Variants in SLC1A4 observed in about 807,000 individuals in gnomAD.
SLC1A4 encodes the protein neutral amino acid transporter A.
A neutral mutation model predicts 37.7 loss-of-function variants in SLC1A4; 19 were observed. The observed-to-expected ratio is 0.50, with a 90% CI of 0.35 to 0.74. The LOEUF (loss-of-function observed/expected upper bound fraction) is 0.74. Ranked by LOEUF, SLC1A4 falls within the 30% of genes least tolerant of loss-of-function variation. The pLI, the probability that SLC1A4 is intolerant of heterozygous loss-of-function variation, is 0.01. For synonymous variants in SLC1A4, 299 were observed against 309.8 expected (o/e 0.97, Z 0.37); for missense variants, 570 against 712.9 (o/e 0.80, Z 2.28).
At position 65,018,423 on chromosome 2, in the gene SLC1A4, C is replaced by G. The variant is rs1674256401; in HGVS notation, c.1230-122C>G. The G allele has an allele frequency of 1.4e-6, 2 of 1,442,364 alleles. No homozygotes were observed. Among genetic ancestry groups the G allele is most frequent in the Non-Finnish European group, 9.4e-7 (1 of 1,063,394 alleles). The allele number at this position is 1,442,364 out of a possible 1,614,324, so 89.3% of individuals were successfully genotyped here. ...GTGTGTTGACTCTCAAGGGCGTAGC[C>G]AGCAGAGCCTATGGTGGGGCGGTTT... On this transcript the variant is annotated intron_variant, in intron 6 of 7. Coordinates refer to ENST00000234256, the MANE Select transcript of SLC1A4 (RefSeq NM_003038.5). This position sits in a 1 kb window ranked among gnomAD's most constrained non-coding sequence, Gnocchi z 4.3.
rs56031116 is a variant in SLC1A4 at position 64,997,491 on chromosome 2, A to G, written c.528-3957A>G. Among the ~76,000 whole-genome samples the G allele has an allele frequency of 7.6e-3, 1,157 of 152,282 alleles. 24 individuals are homozygous for G. The highest frequency in any genetic ancestry group is 6.1e-3 in the Non-Finnish European group (418 of 68,008). On this transcript the variant is annotated intron_variant, in intron 1 of 7. Transcript: ENST00000234256. Reference sequence around the variant, plus strand: ...ATCCCCATTCTCCACCCCTGGCCTCAGGCAGCTGACCTGCTTTTTATCACT... The same window carrying G: ...ATCCCCATTCTCCACCCCTGGCCTCGGGCAGCTGACCTGCTTTTTATCACT...
chr2:65,010,379 T>G (rs895245691), intron 3 of SLC1A4, among the ~76,000 whole-genome samples: 1 of 152,240 alleles, frequency 6.6e-6, no homozygotes, highest in African/African-American at 2.4e-5. Flanking sequence ...CAGAGTTAAC[T>G]AGAAGAAATT....
chr2:65,015,175 A>G (rs1674075676), intron 4 of SLC1A4, among the ~76,000 whole-genome samples: 1 of 152,240 alleles, frequency 6.6e-6, no homozygotes, highest in South Asian at 2.1e-4. Context: ...AACTGTGAGG[A>G]GGGGAAAGTA....
At chr2:64,989,336 G>A, upstream of SLC1A4, 1 of 255,782 alleles carries the variant, frequency 3.9e-6, no homozygotes, top group East Asian at 7.1e-5. Flanking sequence ...GAGCGGGCTG[G>A]GGCCGCTGGC....
At chr2:65,015,922 G>A (rs1674109809) in intron 4 of SLC1A4, among the ~76,000 whole-genome samples, 1 of 152,194 alleles carries the variant, frequency 6.6e-6, no homozygotes, top group Non-Finnish European at 1.5e-5. Flanking sequence ...GAGTGTCATT[G>A]TTAATGACTT....
intron 4 of SLC1A4, among the ~76,000 whole-genome samples, chr2:65,013,828 T>C (rs1488895902): frequency 6.6e-6 from 1 of 152,222 alleles, no homozygotes; most frequent in African/African-American, 2.4e-5. Context: ...CAGAAATAAC[T>C]TTCAGATGTA....
chr2:65,021,464 G>C lies in SLC1A4; in HGVS notation c.*318G>C, dbSNP rs1185478936. 1 of 336,922 alleles carries C rather than the reference G, an allele frequency of 3.0e-6. No individual in the cohort carries two copies. The highest frequency in any genetic ancestry group is 5.5e-6 in the Non-Finnish European group (1 of 183,190). The allele number at this position is 336,922 out of a possible 1,614,324, so 20.9% of individuals were successfully genotyped here. On this transcript the variant is annotated 3_prime_UTR_variant, in exon 8 of 8. Transcript: ENST00000234256. ...ATCATGGACTCACAGGGTCCTGTGT[G>C]GTTACATCTTGGAAAAAATGCAGAT...
rs1215025175 is a variant in SLC1A4 at position 65,010,113 on chromosome 2, G to A, written c.634-484G>A. Among the ~76,000 whole-genome samples, 5 of 152,194 alleles carry A rather than the reference G, an allele frequency of 3.3e-5. No homozygotes were observed. The East Asian group carries it at 9.7e-4, about 29-fold the overall frequency. On this transcript the variant is annotated intron_variant, in intron 3 of 7. Transcript: ENST00000234256. ...TGCCCAGCTAATTTTTGTGTTTTTA[G>A]TATAGACAGGGTTTCACCATGTTGG... is the stretch of plus-strand genomic sequence containing the variant.
chr2:65,019,345 G>C (rs758287060), intron 7 of SLC1A4, among the ~76,000 whole-genome samples: 1 of 152,154 alleles, frequency 6.6e-6, no homozygotes, highest in Admixed American at 6.5e-5. Flanking sequence ...TGGAGCCCAG[G>C]TGCCTGGATT....
chr2:65,006,758 G>GA (rs1419288383), intron 3 of SLC1A4, among the ~76,000 whole-genome samples: 1 of 152,168 alleles, frequency 6.6e-6, no homozygotes, highest in Non-Finnish European at 1.5e-5. Flanking sequence ...GGGCAACATA[G>GA]ATACGTATCT....
rs1314078311 is a variant in SLC1A4, at chr2:65,022,151, A to C, written c.*1005A>C. ...CTGCAGCAAAAACAAAACCACCACC[A>C]CCCCAGAGAAAACCATGTACTAATT... On this transcript the variant is annotated 3_prime_UTR_variant, in exon 8 of 8. Coordinates refer to ENST00000234256, the MANE Select transcript of SLC1A4 (RefSeq NM_003038.5). 1 of 152,218 alleles carries C rather than the reference A, an allele frequency of 6.6e-6. No homozygotes were observed. The highest frequency in any genetic ancestry group is 1.5e-5 in the Non-Finnish European group (1 of 68,046). The allele number at this position is 152,218 out of a possible 1,614,324, so 9.4% of individuals were successfully genotyped here.
intron 4 of SLC1A4, among the ~76,000 whole-genome samples, chr2:65,012,152 C>G (rs1673947839): frequency 1.3e-5 from 2 of 148,394 alleles, no homozygotes; most frequent in Admixed American, 6.7e-5. Context: ...TGCAGTGGTG[C>G]AATCTCGGCT....
chr2:65,018,319 C>CAT lies in SLC1A4; in HGVS notation c.1229+54_1229+55insAT. 6.4e-7 allele frequency: 1 copy of CAT among 1,569,898 alleles called. No homozygotes were observed. The highest frequency in any genetic ancestry group is 1.1e-5 in the South Asian group (1 of 88,250). Reference sequence around the variant, plus strand: ...AAACTGAAGGCTTTTCTTGTGATTTCCTTTGAAAAACCAATCTCACCACAA... The same window carrying CAT: ...AAACTGAAGGCTTTTCTTGTGATTTCATCTTTGAAAAACCAATCTCACCACAA... On this transcript the variant is annotated intron_variant, in intron 6 of 7. Transcript: ENST00000234256. This position sits in a 1 kb window ranked among gnomAD's most constrained non-coding sequence, Gnocchi z 4.3.
At chr2:65,015,537 C>G (rs534263750) in intron 4 of SLC1A4, among the ~76,000 whole-genome samples, 8 of 152,204 alleles carry the variant, frequency 5.3e-5, no homozygotes, top group South Asian at 2.1e-4. Flanking sequence ...GTGTCATCTA[C>G]GTTTTAATTT....
chr2:65,008,168 C>T (rs940687891), intron 3 of SLC1A4, among the ~76,000 whole-genome samples: 6 of 152,302 alleles, frequency 3.9e-5, no homozygotes, highest in Admixed American at 2.0e-4. Context: ...TATCAAAAAG[C>T]GTGAGTTGAC....
chr2:65,002,347 A>C (rs1189156457), intron 2 of SLC1A4, among the ~76,000 whole-genome samples: 1 of 151,604 alleles, frequency 6.6e-6, no homozygotes, highest in Non-Finnish European at 1.5e-5. Context: ...CACACACTAC[A>C]CATGTTGCTT....
Position 65,022,832 on chromosome 2 carries a change from G to A in SLC1A4, c.*1686G>A, listed in dbSNP as rs1299889097. ...TAACAGGCCATTAAAGCTCCCCAGTGTTCAGCCTCCTTCACTCCCTTGTTT... is the reference window on the plus strand; with the variant it reads ...TAACAGGCCATTAAAGCTCCCCAGTATTCAGCCTCCTTCACTCCCTTGTTT... On this transcript the variant is annotated 3_prime_UTR_variant, in exon 8 of 8. Transcript: ENST00000234256. 6.6e-6 allele frequency: 1 copy of A among 152,354 alleles called. No individual in the cohort carries two copies. Among genetic ancestry groups the A allele is most frequent in the African/African-American group, 2.4e-5 (1 of 41,430 alleles). 9.4% of individuals were successfully genotyped at this position (152,354 alleles called of 1,614,324 possible). A position where few individuals can be genotyped will look rare whatever the true frequency, so the allele number is the denominator to read the frequency against.
chr2:64,995,230 G>A (rs1673206305), intron 1 of SLC1A4, among the ~76,000 whole-genome samples: 4 of 152,236 alleles, frequency 2.6e-5, no homozygotes, highest in Admixed American at 2.6e-4. Flanking sequence ...TTGAAGCCCA[G>A]CTCTATGACG....
rs7563137 is a variant in SLC1A4 at position 65,021,156 on chromosome 2, G to C, written c.*10G>C. The C allele has an allele frequency of 6.2e-7, 1 of 1,606,440 alleles. No homozygotes were observed. Among genetic ancestry groups the C allele is most frequent in the Non-Finnish European group, 8.5e-7 (1 of 1,173,372 alleles). On this transcript the variant is annotated 3_prime_UTR_variant, in exon 8 of 8. Transcript: ENST00000234256. ...GGAGTCGGTTCTGTGATGGGGCTGG[G>C]CTTTGGGCTTGCCTGCCAGCAGTGA...
Sources: gnomAD v4.1 joint callset for allele counts (sites outside exome capture counted in the v4.1 genomes callset) on GRCh38, gnomAD v4.1.1 for gene constraint, Gnocchi (gnomAD v3.1) non-coding constraint, MANE v1.5 for transcripts, NCBI Gene and HGNC (gene_info 2026-07-23, HGNC 2026-07-21) for gene names.